The following LRP2BP variants were observed in gnomAD, a reference collection of about 807,000 sequenced individuals.
LRP2BP encodes LRP2-binding protein.
LRP2BP carries 38 observed loss-of-function variants against 45.2 expected under a neutral mutation model. That is an observed-to-expected ratio of 0.84 (90% confidence interval 0.65 to 1.10). LRP2BP has a LOEUF of 1.10. Ranked by LOEUF, LRP2BP falls within the 50% of genes least tolerant of loss-of-function variation. The pLI is 0.00. For synonymous variants in LRP2BP, 153 were observed against 153.9 expected, an observed-to-expected ratio of 0.99 and a Z score of 0.04; for missense variants, 385 against 418.9, an observed-to-expected ratio of 0.92 and a Z score of 0.71.
Position 185,364,612 on chromosome 4 carries a change from T to C in LRP2BP, c.*2568A>G, listed in dbSNP as rs770095162. On this transcript the variant is annotated 3_prime_UTR_variant, in exon 9 of 9. Coordinates refer to ENST00000505916, the MANE Select transcript of LRP2BP (RefSeq NM_001377440.1). ...GAAACAAGTTCTGAAAGATAAATGA[T>C]TAAAAATTAGTAAACCAAATGTTAT... is the stretch of plus-strand genomic sequence containing the variant. 3.3e-5 allele frequency: 5 copies of C among 152,222 alleles called. No homozygotes were observed. Among genetic ancestry groups the C allele is most frequent in the Admixed American group, 6.5e-5 (1 of 15,280 alleles). The allele number at this position is 152,222 out of a possible 1,614,324, so 9.4% of individuals were successfully genotyped here.
rs953557354 is a variant in LRP2BP, at chr4:185,365,857, G to A, written c.*1323C>T. ...GACCATTTGAGGATATCTCAAACCC[G>A]AGTCTGTTGAAATTTCTTCCCTTAC... On this transcript the variant is annotated 3_prime_UTR_variant, in exon 9 of 9. Transcript: ENST00000505916. The A allele has an allele frequency of 3.3e-5, 5 of 152,040 alleles. No individual in the cohort carries two copies. Among genetic ancestry groups the A allele is most frequent in the East Asian group, 3.9e-4 (2 of 5,186 alleles). The allele number at this position is 152,040 out of a possible 1,614,324, so 9.4% of individuals were successfully genotyped here. A position where few individuals can be genotyped will look rare whatever the true frequency, so the allele number is the denominator to read the frequency against.
At position 185,375,716 on chromosome 4, in the gene LRP2BP, T is replaced by C. The variant is rs1278768930; in HGVS notation, c.227A>G (p.Glu76Gly). The C allele has an allele frequency of 6.2e-7, 1 of 1,601,732 alleles. No individual in the cohort carries two copies. Among genetic ancestry groups the C allele is most frequent in the South Asian group, 1.1e-5 (1 of 90,602 alleles). The stretch of plus-strand genomic sequence containing the variant: ...TTCTTCAAACTGTTCTAATGCTTCT[T>C]CATACCATCCCTAGAAGCACCCAGA... ...GQLYFEEGWY[E>G]EALEQFEEIK... Residue 76 changes from glutamate (E) to glycine (G), a missense_variant, in exon 4 of 9, where the codon GAA becomes GGA. Transcript: ENST00000505916.
At chr4:185,369,019 C>T (rs1023039458) in intron 8 of LRP2BP, among the ~76,000 whole-genome samples, 2 of 152,064 alleles carry the variant, frequency 1.3e-5, no homozygotes, top group Non-Finnish European at 2.9e-5. Context: ...GTCTCACACT[C>T]TTGGCCTCAG....
Position 185,370,752 on chromosome 4 carries a change from G to A in LRP2BP, c.866C>T (p.Pro289Leu), listed in dbSNP as rs111547365. ...PMIAQVTDCLPEFIGRGMAMA... is the reference protein window; with the variant it reads ...PMIAQVTDCLLEFIGRGMAMA... ...TGCCATGCCTCTGCCGATGAACTCC[G>A]GGAGACAGTCTGTGACCTGGGCGAT... The change falls in exon 8 of 9, where the codon CCG (proline) becomes CTG (leucine). Residue 289 changes from proline to leucine, a missense_variant. Coordinates refer to ENST00000505916, the MANE Select transcript of LRP2BP (RefSeq NM_001377440.1). 2.4e-5 allele frequency: 39 copies of A among 1,614,094 alleles called. No homozygotes were observed. Among genetic ancestry groups the A allele is most frequent in the East Asian group, 4.5e-5 (2 of 44,864 alleles).
Position 185,365,225 on chromosome 4 carries a change from A to G in LRP2BP, c.*1955T>C, listed in dbSNP as rs1404125319. 1 of 152,228 alleles carries G rather than the reference A, an allele frequency of 6.6e-6. No individual in the cohort carries two copies. Among genetic ancestry groups the G allele is most frequent in the Non-Finnish European group, 1.5e-5 (1 of 68,042 alleles). The allele number at this position is 152,228 out of a possible 1,614,324, so 9.4% of individuals were successfully genotyped here. On this transcript the variant is annotated 3_prime_UTR_variant, in exon 9 of 9. Transcript: ENST00000505916. Reference sequence around the variant, plus strand: ...ATTCTGCATTGGATTTATAGAAGACATATAAGCATAGCATGTTACCATGTA... The same window carrying G: ...ATTCTGCATTGGATTTATAGAAGACGTATAAGCATAGCATGTTACCATGTA...
intron 1 of LRP2BP, among the ~76,000 whole-genome samples, chr4:185,380,832 T>A (rs2126820930): frequency 6.6e-6 from 1 of 152,184 alleles, no homozygotes; most frequent in South Asian, 2.1e-4. Context: ...AGATTTTCCA[T>A]CGTTTTTTTT....
chr4:185,391,103 C>A (rs1328440768), intron 1 of LRP2BP, among the ~76,000 whole-genome samples: 2 of 152,210 alleles, frequency 1.3e-5, no homozygotes, highest in South Asian at 4.1e-4. Context: ...TTTTTCATAA[C>A]CTTCACAGTT....
intron 4 of LRP2BP, among the ~76,000 whole-genome samples, chr4:185,375,086 GA>G (rs951362996): frequency 6.6e-6 from 1 of 151,878 alleles, no homozygotes; most frequent in Non-Finnish European, 1.5e-5. Context: ...CCCAAAAGAA[GA>G]AAATAATATT....
upstream of LRP2BP, chr4:185,396,083 G>A (rs564817870): frequency 3.4e-5 from 6 of 174,164 alleles, no homozygotes; most frequent in Non-Finnish European, 6.8e-5. Context: ...CCCGGGAGGA[G>A]AGCCCGGCGT....
intron 8 of LRP2BP, among the ~76,000 whole-genome samples, chr4:185,368,580 T>C (rs2095400938): frequency 6.6e-6 from 1 of 152,208 alleles, no homozygotes; most frequent in South Asian, 2.1e-4. Flanking sequence ...CCTCATATCA[T>C]GCGTCATATG....
chr4:185,369,227 CTTT>C (rs35543353), intron 8 of LRP2BP, among the ~76,000 whole-genome samples: 6 of 100,914 alleles, frequency 5.9e-5, no homozygotes, highest in East Asian at 2.8e-4. Flanking sequence ...ATACAGAGAG[CTTT>C]TTTTTTTTTT....
At chr4:185,381,587 T>A (rs1479279411) in intron 1 of LRP2BP, among the ~76,000 whole-genome samples, 1 of 152,346 alleles carries the variant, frequency 6.6e-6, no homozygotes, top group East Asian at 1.9e-4. Flanking sequence ...TTCATTTGAG[T>A]TCTGAATATA....
chr4:185,370,732 T>G lies in LRP2BP; in HGVS notation c.886A>C (p.Met296Leu). ...DCLPEFIGRG[M>L]AMASFYHARC... The stretch of plus-strand genomic sequence containing the variant: ...GCGTGGTAGAAGGATGCCATTGCCA[T>G]GCCTCTGCCGATGAACTCCGGGAGA... Residue 296 changes from methionine to leucine, a missense_variant, in exon 8 of 9, where the codon ATG (methionine) becomes CTG (leucine). Met to Leu is a conservative substitution (Grantham distance 15). Transcript: ENST00000505916. 1 of 1,614,122 alleles carries G rather than the reference T, an allele frequency of 6.2e-7. No individual in the cohort carries two copies.
intron 1 of LRP2BP, among the ~76,000 whole-genome samples, chr4:185,383,741 C>G (rs748055725): frequency 6.6e-6 from 1 of 152,190 alleles, no homozygotes; most frequent in Non-Finnish European, 1.5e-5. Context: ...GGAATTCTGT[C>G]ATTTTGGTAG....
At chr4:185,376,443 C>CTTTTTTTTTTTTTTTT (rs34024562) in intron 3 of LRP2BP, among the ~76,000 whole-genome samples, 2 of 105,796 alleles carry the variant, frequency 1.9e-5, no homozygotes, top group Non-Finnish European at 3.7e-5. Context: ...TGCCCAGCTA[C>CTTTTTTTTTTTTTTTT]TTTTTTTTTT....
At chr4:185,397,025 C>T, upstream of LRP2BP, 1 of 1,608,458 alleles carries the variant, frequency 6.2e-7, no homozygotes, top group South Asian at 1.1e-5. Flanking sequence ...CTCGTTAATG[C>T]GGGGACGGAC....
upstream of LRP2BP, chr4:185,396,879 C>G: frequency 6.2e-7 from 1 of 1,608,622 alleles, no homozygotes; most frequent in Non-Finnish European, 8.5e-7. Flanking sequence ...AGTGTCTCAC[C>G]TCTCTGCACT....
chr4:185,395,412 A>G lies in LRP2BP; in HGVS notation c.-655T>C. ...AACTTCTGTGCAAACCTGAAGCTTC[A>G]ACACGTGTTTTAAAAAGCAGTGCTT... On this transcript the variant is annotated 5_prime_UTR_variant, in exon 1 of 9. Transcript: ENST00000505916. 3.0e-6 allele frequency: 3 copies of G among 985,470 alleles called. No homozygotes were observed. The highest frequency in any genetic ancestry group is 3.6e-6 in the Non-Finnish European group (3 of 829,922). The allele number at this position is 985,470 out of a possible 1,614,324, so 61.0% of individuals were successfully genotyped here. A position where few individuals can be genotyped will look rare whatever the true frequency, so the allele number is the denominator to read the frequency against.
intron 1 of LRP2BP, among the ~76,000 whole-genome samples, chr4:185,388,332 TATTA>T (rs1204350736): frequency 6.6e-6 from 1 of 150,558 alleles, no homozygotes. Flanking sequence ...TTATTCCCAA[TATTA>T]ATTAAACCTT....
Sources: allele counts gnomAD v4.1 joint callset (sites outside exome capture counted in the v4.1 genomes callset), GRCh38; gene constraint gnomAD v4.1.1; transcripts MANE v1.5; gene names NCBI Gene and HGNC (gene_info 2026-07-23, HGNC 2026-07-21).